TIPRL: variants seen among roughly 807,000 people sequenced by gnomAD.
The protein encoded by TIPRL is TIP41-like protein.
Under a neutral mutation model 32.3 loss-of-function variants are expected in TIPRL, and 10 were observed. The observed-to-expected ratio is 0.31, with a 90% CI of 0.19 to 0.52. The LOEUF is 0.52. Ranked by LOEUF, TIPRL falls within the 20% of genes least tolerant of loss-of-function variation. TIPRL has a pLI of 0.96. For missense variants in TIPRL, 250 were observed against 328.1 expected (o/e 0.76, Z 1.84); for synonymous variants, 100 against 114.0 (o/e 0.88, Z 0.78).
At chr1:168,188,317 T>C (rs1700053306) in intron 3 of TIPRL, among the ~76,000 whole-genome samples, 1 of 152,148 alleles carries the variant, frequency 6.6e-6, no homozygotes, top group African/African-American at 2.4e-5. Context: ...AGAATATTCA[T>C]AGTCAAGGAC....
At chr1:168,196,032 A>G (rs1034159389) in intron 4 of TIPRL, among the ~76,000 whole-genome samples, 27 of 152,206 alleles carry the variant, frequency 1.8e-4, no homozygotes, top group African/African-American at 6.0e-4. Flanking sequence ...CAGATGAAAG[A>G]TGTTAAGAAT....
intron 5 of TIPRL, 31 bp from the exon 6 acceptor site, chr1:168,198,888 A>T: frequency 1.3e-6 from 2 of 1,584,442 alleles, no homozygotes; most frequent in Non-Finnish European, 1.7e-6. Flanking sequence ...GTATAATTAA[A>T]TTTATTGCAA....
intron 1 of TIPRL, among the ~76,000 whole-genome samples, chr1:168,183,395 T>A: frequency 6.6e-6 from 1 of 150,664 alleles, no homozygotes; most frequent in African/African-American, 2.4e-5. Context: ...TTTTTTTTGC[T>A]TGATTGTTGC....
At chr1:168,192,906 AAAAC>A (rs796854918) in intron 4 of TIPRL, among the ~76,000 whole-genome samples, 3 of 150,514 alleles carry the variant, frequency 2.0e-5, no homozygotes, top group Non-Finnish European at 4.4e-5. Flanking sequence ...ACAAACAAAC[AAAAC>A]AAACAAAAAA....
At chr1:168,197,185 C>T (rs925326269) in intron 5 of TIPRL, among the ~76,000 whole-genome samples, 3 of 151,522 alleles carry the variant, frequency 2.0e-5, no homozygotes, top group African/African-American at 7.3e-5. Context: ...CATGGTGGCA[C>T]GGACTTGTAG....
chr1:168,180,192 TAGA>T (rs1030304809), intron 1 of TIPRL, among the ~76,000 whole-genome samples: 5 of 152,072 alleles, frequency 3.3e-5, no homozygotes, highest in African/African-American at 1.2e-4. Flanking sequence ...AGATAGGTTT[TAGA>T]AGATTAAGTC....
chr1:168,184,095 CAATTAGGTTAAACAAAAAAGGT>C lies in TIPRL; in HGVS notation c.284+32_284+53del, dbSNP rs1179967774. 1.3e-6 allele frequency: 2 copies of C among 1,587,556 alleles called. No homozygotes were observed. Among genetic ancestry groups the C allele is most frequent in the Non-Finnish European group, 8.6e-7 (1 of 1,162,068 alleles). On this transcript the variant is annotated intron_variant, in intron 2 of 6. Transcript: ENST00000367833. ...GCAAGAAAGCAGGTGAGAATCCGGTCAATTAGGTTAAACAAAAAAGGTAATTAGGTTAAACAAAAGAGAAAAG... is the reference window on the plus strand; with the variant it reads ...GCAAGAAAGCAGGTGAGAATCCGGTCAATTAGGTTAAACAAAAGAGAAAAG...
intron 4 of TIPRL, among the ~76,000 whole-genome samples, chr1:168,194,392 C>G (rs1700129899): frequency 6.6e-6 from 1 of 152,196 alleles, no homozygotes; most frequent in African/African-American, 2.4e-5. Context: ...AGAACTACTG[C>G]CCTAAAATAT....
intron 3 of TIPRL, among the ~76,000 whole-genome samples, chr1:168,186,170 T>A (rs999253549): frequency 6.6e-6 from 1 of 151,162 alleles, no homozygotes; most frequent in African/African-American, 2.4e-5. Context: ...TGAAGTTAGC[T>A]GCATTTTGAA....
intron 4 of TIPRL, among the ~76,000 whole-genome samples, chr1:168,194,308 A>G (rs1160682569): frequency 2.0e-5 from 3 of 152,110 alleles, no homozygotes; most frequent in African/African-American, 4.8e-5. Flanking sequence ...CTTATTCACT[A>G]ACTGTTGATA....
chr1:168,200,068 A>T lies in TIPRL; in HGVS notation c.*22A>T, dbSNP rs1270710880. The T allele has an allele frequency of 5.0e-6, 8 of 1,606,208 alleles. No individual in the cohort carries two copies. In the Admixed American group the frequency reaches 5.1e-5, roughly 10 times the overall value. The stretch of plus-strand genomic sequence containing the variant: ...ATAAAATGTGATACAACATATACTC[A>T]CTATGGAATCTGACTGGACACCTTG... On this transcript the variant is annotated 3_prime_UTR_variant, in exon 7 of 7. Transcript: ENST00000367833.
chr1:168,180,815 T>TA (rs397802033), intron 1 of TIPRL, among the ~76,000 whole-genome samples: 12 of 142,426 alleles, frequency 8.4e-5, no homozygotes, highest in South Asian at 4.3e-4. Flanking sequence ...CTTTTTTTTT[T>TA]ATAACTTTTT....
At chr1:168,186,646 G>A (rs193231152) in intron 3 of TIPRL, among the ~76,000 whole-genome samples, 1 of 152,178 alleles carries the variant, frequency 6.6e-6, no homozygotes, top group East Asian at 1.9e-4. Context: ...TGTCATCCGG[G>A]CACAGTGGTT....
In TIPRL at chr1:168,199,900, T is replaced by C. The variant is rs372114733; in HGVS notation, c.676-3T>C. On this transcript the variant is annotated splice_polypyrimidine_tract_variant and splice_region_variant and intron_variant, in intron 6 of 6. Transcript: ENST00000367833. ...ATGCTAATATGATTTATGTATTTCC[T>C]AGCATGTTCCACCTTCCCTCTTCAC... 6.0e-5 allele frequency: 96 copies of C among 1,611,340 alleles called. No individual in the cohort carries two copies. The African/African-American group carries it at 1.2e-3, about 21-fold the overall frequency.
chr1:168,179,206 GGGCGCTGGCC>G, intron 1 of TIPRL, 25 bp downstream of exon 1: 3 of 1,610,118 alleles, frequency 1.9e-6, no homozygotes, highest in Non-Finnish European at 2.5e-6. Context: ...CACGGGGTCT[GGGCGCTGGCC>G]GGTTGCTGGC....
At position 168,200,655 on chromosome 1, in the gene TIPRL, T is replaced by G. The variant is rs1316191065; in HGVS notation, c.*609T>G. On this transcript the variant is annotated 3_prime_UTR_variant, in exon 7 of 7. Transcript: ENST00000367833. Reference sequence around the variant, plus strand: ...AGTACCAGAACCAAAAATACCTAGATTTTTGGAGAACTTATTACATACATA... The same window carrying G: ...AGTACCAGAACCAAAAATACCTAGAGTTTTGGAGAACTTATTACATACATA... 1 of 152,166 alleles carries G rather than the reference T, an allele frequency of 6.6e-6. No individual in the cohort carries two copies. Among genetic ancestry groups the G allele is most frequent in the East Asian group, 1.9e-4 (1 of 5,204 alleles). 9.4% of individuals were successfully genotyped at this position (152,166 alleles called of 1,614,324 possible). A position where few individuals can be genotyped will look rare whatever the true frequency, so the allele number is the denominator to read the frequency against.
chr1:168,182,237 T>C (rs576355216), intron 1 of TIPRL, among the ~76,000 whole-genome samples: 1 of 152,314 alleles, frequency 6.6e-6, no homozygotes, highest in African/African-American at 2.4e-5. Flanking sequence ...CTAATGAATA[T>C]TTAAGGCACC....
chr1:168,198,731 T>C (rs1471915905), intron 5 of TIPRL, among the ~76,000 whole-genome samples, 188 bp from the exon 6 acceptor site: 1 of 152,194 alleles, frequency 6.6e-6, no homozygotes, highest in African/African-American at 2.4e-5. Flanking sequence ...TTATAATGTA[T>C]AGAAATTGGA....
At chr1:168,183,446 C>T (rs866469336) in intron 1 of TIPRL, among the ~76,000 whole-genome samples, 7 of 142,660 alleles carry the variant, frequency 4.9e-5, no homozygotes, top group South Asian at 4.3e-4. Context: ...TTCTGAAAGT[C>T]TGTGTAGGCA....
Sources: gnomAD v4.1 joint callset for allele counts (sites outside exome capture counted in the v4.1 genomes callset) on GRCh38, gnomAD v4.1.1 for gene constraint, MANE v1.5 for transcripts, NCBI Gene and HGNC (gene_info 2026-07-23, HGNC 2026-07-21) for gene names.